The following KCP variants were observed in gnomAD, a reference collection of about 807,000 sequenced individuals.
KCP encodes kielin/chordin-like protein.
In KCP, 194 loss-of-function variants were observed where a neutral mutation model predicts 212.7. That is an observed-to-expected ratio of 0.91 (90% CI 0.81 to 1.03). The LOEUF (loss-of-function observed/expected upper bound fraction) is 1.03, where lower values mean the gene tolerates loss of function less well. KCP is among the 50% of genes least tolerant of loss of function. The probability of loss-of-function intolerance (pLI) is 0.00; values close to 1 mark genes in which losing one functional copy is unlikely to be tolerated. For synonymous variants in KCP, 833 were observed against 865.3 expected, an observed-to-expected ratio of 0.96 and a Z score of 0.65; for missense variants, 2,080 against 2,162.5, an observed-to-expected ratio of 0.96 and a Z score of 0.76.
chr7:128,888,269 CACAT>C (rs1041252509), intron 22 of KCP, among the ~76,000 whole-genome samples: 1 of 151,390 alleles, frequency 6.6e-6, no homozygotes, highest in African/African-American at 2.4e-5. Context: ...TACACAGACA[CACAT>C]ACACTGTCAC....
In KCP at chr7:128,892,450, T is replaced by C. The variant is rs995808562; in HGVS notation, c.1621+64A>G. The C allele has an allele frequency of 4.1e-6, 5 of 1,218,104 alleles. No individual in the cohort carries two copies. In the African/African-American group the frequency reaches 4.6e-5, roughly 11 times the overall value. The allele number at this position is 1,218,104 out of a possible 1,614,324, so 75.5% of individuals were successfully genotyped here. A position where few individuals can be genotyped will look rare whatever the true frequency, so the allele number is the denominator to read the frequency against. ...CTTTCTAAGGTACCTGTTGGGCCCATGGGGCTGTGGGACAGCAGCCTCTGG... is the reference window on the plus strand; with the variant it reads ...CTTTCTAAGGTACCTGTTGGGCCCACGGGGCTGTGGGACAGCAGCCTCTGG... On this transcript the variant is annotated intron_variant, in intron 16 of 39. Transcript: ENST00000610776.
intron 29 of KCP, among the ~76,000 whole-genome samples, chr7:128,883,479 G>A (rs1793454333): frequency 6.6e-6 from 1 of 152,014 alleles, no homozygotes; most frequent in African/African-American, 2.4e-5. Context: ...GTATTGCAAA[G>A]GTAGGTTATC....
In KCP at chr7:128,890,968, G is replaced by A. The variant is rs1794080253; in HGVS notation, c.2101C>T (p.Leu701=). 7.8e-7 allele frequency: 1 copy of A among 1,278,022 alleles called. No homozygotes were observed. Among genetic ancestry groups the A allele is most frequent in the South Asian group, 2.9e-5 (1 of 34,052 alleles). The allele number at this position is 1,278,022 out of a possible 1,614,324, so 79.2% of individuals were successfully genotyped here. Residue 701 remains leucine, a synonymous_variant, in exon 20 of 40, where the codon CTG becomes TTG. Coordinates refer to ENST00000610776, the MANE Select transcript of KCP (RefSeq NM_001366122.1). ...CLDGSVSCQR[L]PCPPAPCAHP... is the part of the protein sequence containing the mutation. ...GCGCAGGGCGCGGGCGGGCAGGGCA[G>A]CCGCTGGCAGGACACGGAGCCGTCG...
chr7:128,878,539 C>CG lies in KCP; in HGVS notation c.4311+18dup, dbSNP rs1563016945. 1.3e-6 allele frequency: 2 copies of CG among 1,547,086 alleles called. No homozygotes were observed. The highest frequency in any genetic ancestry group is 1.2e-5 in the South Asian group (1 of 83,720). ...CTGCGTCTCCCCTAATCCCCATCCCCGGTTCCTGTACCACTCACCTGCCAG... is the reference window on the plus strand; with the variant it reads ...CTGCGTCTCCCCTAATCCCCATCCCCGGGTTCCTGTACCACTCACCTGCCAG... On this transcript the variant is annotated intron_variant, in intron 38 of 39. Transcript: ENST00000610776.
In KCP at chr7:128,892,493, G is replaced by A. The variant is rs1293869984; in HGVS notation, c.1621+21C>T. On this transcript the variant is annotated intron_variant, in intron 16 of 39. Transcript: ENST00000610776. ...GCCTCTGGGGCCCTGATCCCCTCAG[G>A]CCCAGTGAGTGCCCACATACCTGGG... 2.7e-6 allele frequency: 4 copies of A among 1,493,316 alleles called. No homozygotes were observed. The South Asian group carries it at 4.0e-5, about 15-fold the overall frequency. 92.5% of individuals were successfully genotyped at this position (1,493,316 alleles called of 1,614,324 possible).
intron 35 of KCP, 41 bp from the exon 36 acceptor site, chr7:128,879,870 C>A: frequency 6.4e-7 from 1 of 1,551,098 alleles, no homozygotes; most frequent in East Asian, 2.4e-5. Context: ...GTCAGCAGGG[C>A]TGGGTGTAGG....
In KCP at chr7:128,902,819, C is replaced by T. The variant is rs1472439695; in HGVS notation, c.789G>A (p.Glu263=). 1.3e-6 allele frequency: 2 copies of T among 1,551,560 alleles called. No homozygotes were observed. The highest frequency in any genetic ancestry group is 8.7e-7 in the Non-Finnish European group (1 of 1,147,022). ...GGCAGGGGTCCCCAGGTGTTGTCCA[C>T]TCTTGGCCATGTTCCCAGTGAGAGC... ...EGGSHWEHGQ[E]WTTPGDPCRI... is the part of the protein sequence containing the mutation. The change falls in exon 8 of 40, where the codon GAG becomes GAA. Residue 263 remains glutamate (E), a synonymous_variant. Transcript: ENST00000610776.
chr7:128,894,740 G>A (rs1794415119), intron 8 of KCP, among the ~76,000 whole-genome samples: 1 of 152,082 alleles, frequency 6.6e-6, no homozygotes, highest in East Asian at 1.9e-4. Context: ...CCAAGTAGCT[G>A]GGATTACAGG....
intron 13 of KCP, 88 bp downstream of exon 13, chr7:128,893,150 C>A (rs540444087): frequency 8.1e-6 from 11 of 1,350,500 alleles, no homozygotes; most frequent in South Asian, 1.3e-5. Context: ...CTTAGCAACC[C>A]GTACCCCGTC....
chr7:128,877,233 T>C lies in KCP; in HGVS notation c.4697A>G (p.His1566Arg). The C allele has an allele frequency of 1.3e-6, 2 of 1,482,794 alleles. No individual in the cohort carries two copies. The highest frequency in any genetic ancestry group is 1.8e-6 in the Non-Finnish European group (2 of 1,117,112). 91.9% of individuals were successfully genotyped at this position (1,482,794 alleles called of 1,614,324 possible). A position where few individuals can be genotyped will look rare whatever the true frequency, so the allele number is the denominator to read the frequency against. Reference sequence around the variant, plus strand: ...GGCTGCCAGCTCCCCCAGGGGGATATGCTGATTGAAGCAGGTGCGGGGACA... The same window carrying C: ...GGCTGCCAGCTCCCCCAGGGGGATACGCTGATTGAAGCAGGTGCGGGGACA... Reference protein sequence around the residue: ...PPCPRTCFNQHIPLGELAAHC... With the variant: ...PPCPRTCFNQRIPLGELAAHC... The change falls in exon 40 of 40, where the codon CAT becomes CGT. Residue 1566 changes from histidine to arginine, a missense_variant. Transcript: ENST00000610776.
At chr7:128,903,934 C>T in intron 6 of KCP, 114 bp from the exon 7 acceptor site, 1 of 1,357,174 alleles carries the variant, frequency 7.4e-7, no homozygotes, top group Non-Finnish European at 1.0e-6. Flanking sequence ...GGAGGGAGAA[C>T]CTAGCTGGCT....
intron 30 of KCP, 83 bp from the exon 31 acceptor site, chr7:128,881,808 T>G (rs989083550): frequency 2.4e-5 from 34 of 1,391,752 alleles, no homozygotes; most frequent in African/African-American, 4.4e-5. Flanking sequence ...GATGTGACAG[T>G]CAGGACAAGT....
chr7:128,878,475 C>G (rs1793120681), intron 38 of KCP, 83 bp downstream of exon 38: 1 of 1,421,064 alleles, frequency 7.0e-7, no homozygotes. Flanking sequence ...CCCTTCCCTG[C>G]TTTCCATGCC....
intron 7 of KCP, 80 bp downstream of exon 7, chr7:128,903,647 G>A (rs926854636): frequency 3.4e-5 from 42 of 1,224,100 alleles, no homozygotes; most frequent in Admixed American, 2.9e-4. Context: ...ACTGGAGGCC[G>A]GCAAGGTGGG....
In KCP at chr7:128,903,746, G is replaced by C. The variant is rs1235954411; in HGVS notation, c.729C>G (p.His243Gln). ...PCPEPVLRPG[H>Q]CCPTCQGCTE... is the part of the protein sequence containing the mutation. ...TCTCACCTTGGCAGGTTGGGCAGCA[G>C]TGCCCAGGCCTCAGCACTGGCTCTG... is the stretch of plus-strand genomic sequence containing the variant. Residue 243 changes from histidine (H) to glutamine (Q), a missense_variant, in exon 7 of 40, where the codon CAC (histidine) becomes CAG (glutamine). By Grantham distance (24) the His-to-Gln change is conservative (BLOSUM62 0). Transcript: ENST00000610776. 16 of 1,550,572 alleles carry C rather than the reference G, an allele frequency of 1.0e-5. No individual in the cohort carries two copies. The African/African-American group carries it at 2.1e-4, about 20-fold the overall frequency.
At chr7:128,878,301 A>G (rs1429940525) in intron 38 of KCP, among the ~76,000 whole-genome samples, 1 of 151,814 alleles carries the variant, frequency 6.6e-6, no homozygotes, top group African/African-American at 2.4e-5. Context: ...CAGGTGATCC[A>G]CCCACCTCGG....
chr7:128,896,546 C>A (rs1794534815), intron 8 of KCP, among the ~76,000 whole-genome samples: 1 of 152,056 alleles, frequency 6.6e-6, no homozygotes, highest in African/African-American at 2.4e-5. Flanking sequence ...ACATGCGGAG[C>A]TTTTTCCTCC....
In KCP at chr7:128,907,390, G is replaced by A; in HGVS notation, c.283C>T (p.Gln95Ter). The A allele has an allele frequency of 1.3e-6, 2 of 1,534,162 alleles. No homozygotes were observed. The highest frequency in any genetic ancestry group is 1.8e-6 in the Non-Finnish European group (2 of 1,133,482). The change falls in exon 3 of 40, where the codon CAG (glutamine) becomes TAG (stop). Residue 95 changes from glutamine (Q) to a stop codon, truncating the protein, a stop_gained. Coordinates refer to ENST00000610776, the MANE Select transcript of KCP (RefSeq NM_001366122.1). LOFTEE classifies it high-confidence loss of function. The part of the protein sequence containing the change: ...ESCECHPASP[Q>*]CWGLGRAWPE... ...CAGGCACGCCCCAGCCCCCAGCACT[G>A]GGGAGATGCAGGGTGGCACTCACAG...
At position 128,890,375 on chromosome 7, in the gene KCP, G is replaced by C. The variant is rs994858577; in HGVS notation, c.2303C>G (p.Pro768Arg). The change falls in exon 21 of 40, where the codon CCT becomes CGT. Residue 768 changes from proline (P) to arginine (R), a missense_variant. Transcript: ENST00000610776. ...KACAPALCPF[P>R]ARGDCCPDCD... is the part of the protein sequence containing the mutation. The stretch of plus-strand genomic sequence containing the variant: ...GTCAGGGCAGCAGTCGCCCCTGGCA[G>C]GGAAGGGGCACAGTGCAGGGGCACA... 1.5e-5 allele frequency: 23 copies of C among 1,551,268 alleles called. No individual in the cohort carries two copies. Among genetic ancestry groups the C allele is most frequent in the Non-Finnish European group, 1.9e-5 (22 of 1,146,998 alleles).
Sources: allele counts gnomAD v4.1 joint callset (sites outside exome capture counted in the v4.1 genomes callset), GRCh38; gene constraint gnomAD v4.1.1; transcripts MANE v1.5; gene names NCBI Gene and HGNC (gene_info 2026-07-23, HGNC 2026-07-21).